RAP1GAP2: variants seen among roughly 807,000 people sequenced by gnomAD.
The protein encoded by RAP1GAP2 is RAP1 GTPase activating protein 2.
Under a neutral mutation model 95.0 loss-of-function variants are expected in RAP1GAP2, and 27 were observed. The ratio of observed to expected loss-of-function variants is 0.28; its 90% CI spans 0.21 to 0.39. The LOEUF (loss-of-function observed/expected upper bound fraction) is 0.39, where lower values mean the gene tolerates loss of function less well. Among genes scored for constraint, RAP1GAP2 ranks in the 10% least tolerant of loss-of-function variants. The pLI, the probability that RAP1GAP2 is intolerant of heterozygous loss-of-function variation, is 1.00. For missense variants in RAP1GAP2, 771 were observed against 970.0 expected, an observed-to-expected ratio of 0.79 and a Z score of 2.72; for synonymous variants, 373 against 380.9, an observed-to-expected ratio of 0.98 and a Z score of 0.24.
At chr17:2,794,163 G>A (rs1051849869), upstream of RAP1GAP2, among the ~76,000 whole-genome samples, 5 of 151,176 alleles carry the variant, frequency 3.3e-5, no homozygotes, top group African/African-American at 1.2e-4. Context: ...CTGCCTTCCT[G>A]TGAGTCGGTT....
chr17:3,019,389 A>G (rs1423275956), intron 18 of RAP1GAP2, among the ~76,000 whole-genome samples: 7 of 151,978 alleles, frequency 4.6e-5, no homozygotes, highest in Admixed American at 4.6e-4. Context: ...GGCACGCACC[A>G]GTAGTCTTAG....
Position 2,845,007 on chromosome 17 carries a change from A to G in RAP1GAP2, c.80+44457A>G, listed in dbSNP as rs1348762981. On this transcript the variant is annotated intron_variant, in intron 2 of 24. Transcript: ENST00000254695. The stretch of plus-strand genomic sequence containing the variant: ...CACGGGGTGGTCCCCAGGAGGTTGA[A>G]TGAAAGAATCAGTGTCCCCGCCTCA... Among the ~76,000 whole-genome samples, 3 of 152,308 alleles carry G rather than the reference A, an allele frequency of 2.0e-5. No individual in the cohort carries two copies. In the East Asian group the frequency reaches 5.8e-4, roughly 29 times the overall value.
intron 4 of RAP1GAP2, among the ~76,000 whole-genome samples, chr17:2,958,982 T>C (rs942103667): frequency 6.6e-6 from 1 of 152,088 alleles, no homozygotes; most frequent in Admixed American, 6.6e-5. Flanking sequence ...AGGGAACTTA[T>C]CATCAGCTTG....
chr17:2,796,396 G>A (rs1377327628), upstream of RAP1GAP2: 9 of 985,318 alleles, frequency 9.1e-6, no homozygotes, highest in African/African-American at 6.4e-5. This position sits in a 1 kb window ranked among gnomAD's most constrained non-coding sequence, Gnocchi z 4.7. Context: ...GGGGGCAGGC[G>A]AAGAGGGAGG....
At position 2,797,543 on chromosome 17, in the gene RAP1GAP2, A is replaced by T. The variant is rs1412232652; in HGVS notation, c.44+972A>T. On this transcript the variant is annotated intron_variant, in intron 1 of 24. Transcript: ENST00000254695. The surrounding 1 kb of genome is among the most constrained non-coding windows in gnomAD (Gnocchi z 5.6). ...AAAATGGTGGACTAATGGGGGTGGC[A>T]CGAAGGGCGAGGGGGAGAGGGGCTG... Among the ~76,000 whole-genome samples, 4 of 151,640 alleles carry T rather than the reference A, an allele frequency of 2.6e-5. No individual in the cohort carries two copies. The highest frequency in any genetic ancestry group is 5.9e-5 in the Non-Finnish European group (4 of 67,902).
chr17:2,998,191 G>T, intron 13 of RAP1GAP2, 30 bp from the exon 14 acceptor site: 2 of 1,605,618 alleles, frequency 1.2e-6, no homozygotes, highest in Non-Finnish European at 1.7e-6. Context: ...TTCCTAACTG[G>T]CTTATAACCT....
rs917892146 is a variant in RAP1GAP2 at position 2,823,559 on chromosome 17, G to T, written c.80+23009G>T. Reference sequence around the variant, plus strand: ...CTCTGCAGTGGAGGTGGTCCTGGACGCATGGCGTAACGTGGGCTCTCTGGG... The same window carrying T: ...CTCTGCAGTGGAGGTGGTCCTGGACTCATGGCGTAACGTGGGCTCTCTGGG... On this transcript the variant is annotated intron_variant, in intron 2 of 24. Coordinates refer to ENST00000254695, the MANE Select transcript of RAP1GAP2 (RefSeq NM_015085.5). Among the ~76,000 whole-genome samples, 3 of 152,168 alleles carry T rather than the reference G, an allele frequency of 2.0e-5. No individual in the cohort carries two copies. The East Asian group carries it at 5.8e-4, about 29-fold the overall frequency.
intron 3 of RAP1GAP2, among the ~76,000 whole-genome samples, chr17:2,946,778 A>T (rs2043710746): frequency 6.6e-6 from 1 of 152,226 alleles, no homozygotes; most frequent in South Asian, 2.1e-4. Context: ...TTTTTGAGAC[A>T]GAGTTTTGCT....
rs748278531 is a variant in RAP1GAP2 at position 2,855,903 on chromosome 17, C to T, written c.81-49381C>T. Among the ~76,000 whole-genome samples, 50 of 152,176 alleles carry T rather than the reference C, an allele frequency of 3.3e-4. No individual in the cohort carries two copies. Among genetic ancestry groups the T allele is most frequent in the Non-Finnish European group, 5.9e-4 (40 of 68,034 alleles). On this transcript the variant is annotated intron_variant, in intron 2 of 24. Coordinates refer to ENST00000254695, the MANE Select transcript of RAP1GAP2 (RefSeq NM_015085.5). The surrounding 1 kb of genome is among the most constrained non-coding windows in gnomAD (Gnocchi z 4.3). ...TGCTGGGATTACAGGCATGAGCCAC[C>T]GTGCCCGGCTGAAGTGAATCTATTT...
chr17:2,802,684 C>T (rs2069354111), intron 2 of RAP1GAP2, among the ~76,000 whole-genome samples: 1 of 151,834 alleles, frequency 6.6e-6, no homozygotes, highest in African/African-American at 2.4e-5. Flanking sequence ...GCCTGGGAGA[C>T]AAGAGTGAAA....
At chr17:2,995,682 A>G (rs1206740182) in intron 13 of RAP1GAP2, among the ~76,000 whole-genome samples, 1 of 150,146 alleles carries the variant, frequency 6.7e-6, no homozygotes, top group African/African-American at 2.5e-5. Context: ...CCGAGGCCAC[A>G]CCTCAGGGGC....
intron 11 of RAP1GAP2, among the ~76,000 whole-genome samples, chr17:2,989,294 G>C (rs894242380): frequency 6.6e-6 from 1 of 152,086 alleles, no homozygotes. Context: ...CTTTTCATGT[G>C]CTTATTTGCC....
chr17:2,765,968 C>G (rs187873402), intron 1 of RAP1GAP2, among the ~76,000 whole-genome samples: 186 of 152,048 alleles, frequency 1.2e-3, no homozygotes, highest in Non-Finnish European at 1.8e-3. Context: ...GAACCTGTCT[C>G]CAAACAAACA....
At chr17:2,779,875 T>G (rs1597291313) in intron 1 of RAP1GAP2, among the ~76,000 whole-genome samples, 7 of 142,434 alleles carry the variant, frequency 4.9e-5, no homozygotes, top group East Asian at 2.1e-4. Flanking sequence ...GGACAGGGAG[T>G]GGGTTGGGCA....
chr17:2,821,728 C>T (rs76677951), intron 2 of RAP1GAP2, among the ~76,000 whole-genome samples: 4,812 of 152,196 alleles, frequency 0.032, 177 homozygotes, highest in East Asian at 0.15. Flanking sequence ...TGCAGCTCCT[C>T]GGTTGCACTA....
rs1183050009 is a variant in RAP1GAP2, at chr17:2,889,887, A to ATTTTTTTTTT, written c.81-15396_81-15395insTTTTTTTTTT. Among the ~76,000 whole-genome samples the ATTTTTTTTTT allele has an allele frequency of 1.2e-3, 48 of 38,714 alleles. No individual in the cohort carries two copies. In the East Asian group the frequency reaches 0.016, roughly 13 times the overall value. 25.4% of individuals were successfully genotyped at this position (38,714 alleles called of 152,430 possible). On this transcript the variant is annotated intron_variant, in intron 2 of 24. Transcript: ENST00000254695. ...TGTATATATATATATATATATATAT[A>ATTTTTTTTTT]TATTTTTTTTTTTTTTTGTAGAGAT... is the stretch of plus-strand genomic sequence containing the variant.
Position 2,996,003 on chromosome 17 carries a change from T to TTGTGGGGA in RAP1GAP2, c.1044+538_1044+539insGTGGGGAT, listed in dbSNP as rs145968660. 0.014 allele frequency among the ~76,000 whole-genome samples: 2,127 copies of TTGTGGGGA among 152,278 alleles called. 177 individuals are homozygous for TTGTGGGGA. In the East Asian group the frequency reaches 0.23, roughly 16 times the overall value. Reference sequence around the variant, plus strand: ...AGGGTGATTGTGGGGATTACATACATTTCTGACTAGGGTTCATACGATGCC... The same window carrying TTGTGGGGA: ...AGGGTGATTGTGGGGATTACATACATTGTGGGGATTCTGACTAGGGTTCATACGATGCC... On this transcript the variant is annotated intron_variant, in intron 13 of 24. Coordinates refer to ENST00000254695, the MANE Select transcript of RAP1GAP2 (RefSeq NM_015085.5).
At position 3,003,455 on chromosome 17, in the gene RAP1GAP2, T is replaced by C. The variant is rs2046232538; in HGVS notation, c.1201-1914T>C. ...AAGCCCACCGCCGGGGAGGGCCCTG[T>C]CTTTGTAGCCCCCTCCCCGTTTCCC... On this transcript the variant is annotated intron_variant, in intron 14 of 24. Coordinates refer to ENST00000254695, the MANE Select transcript of RAP1GAP2 (RefSeq NM_015085.5). This position sits in a 1 kb window ranked among gnomAD's most constrained non-coding sequence, Gnocchi z 4.1. Among the ~76,000 whole-genome samples the C allele has an allele frequency of 6.6e-6, 1 of 152,098 alleles. No individual in the cohort carries two copies. The highest frequency in any genetic ancestry group is 1.5e-5 in the Non-Finnish European group (1 of 68,026).
rs1049619437 is a variant in RAP1GAP2, at chr17:3,033,807, C to T, written c.*446C>T. 1.3e-5 allele frequency: 2 copies of T among 152,158 alleles called. No individual in the cohort carries two copies. The highest frequency in any genetic ancestry group is 6.5e-5 in the Admixed American group (1 of 15,268). The allele number at this position is 152,158 out of a possible 1,614,324, so 9.4% of individuals were successfully genotyped here. On this transcript the variant is annotated 3_prime_UTR_variant, in exon 25 of 25. Coordinates refer to ENST00000254695, the MANE Select transcript of RAP1GAP2 (RefSeq NM_015085.5). This position sits in a 1 kb window ranked among gnomAD's most constrained non-coding sequence, Gnocchi z 4.9. Reference sequence around the variant, plus strand: ...GGCCACAGGGCAGTGCCTTCCTGAACGTGGCAGGCTTTACTACCAGGAACG... The same window carrying T: ...GGCCACAGGGCAGTGCCTTCCTGAATGTGGCAGGCTTTACTACCAGGAACG...
Sources: allele counts gnomAD v4.1 joint callset (sites outside exome capture counted in the v4.1 genomes callset), GRCh38; gene constraint gnomAD v4.1.1; non-coding constraint Gnocchi (gnomAD v3.1); transcripts MANE v1.5; gene names NCBI Gene and HGNC (gene_info 2026-07-23, HGNC 2026-07-21).